The following PLPP1 variants were observed in gnomAD, a reference collection of about 807,000 sequenced individuals.
The protein encoded by PLPP1 is lipid phosphate phosphohydrolase 1a.
PLPP1 carries 24 observed loss-of-function variants against 31.2 expected under a neutral mutation model. That is an observed-to-expected ratio of 0.77 (90% CI 0.56 to 1.08). The LOEUF is 1.08. PLPP1 is among the 50% of genes least tolerant of loss of function. PLPP1 has a pLI of 0.00. For missense variants in PLPP1, 319 were observed against 342.7 expected (o/e 0.93, Z 0.55); for synonymous variants, 146 against 126.3 (o/e 1.16, Z -1.05).
intron 3 of PLPP1, among the ~76,000 whole-genome samples, chr5:55,460,517 C>T (rs1752130626): frequency 6.6e-6 from 1 of 152,034 alleles, no homozygotes; most frequent in South Asian, 2.1e-4. Flanking sequence ...ACAAACAATA[C>T]AAAGATAGTA....
chr5:55,504,831 G>C (rs1208692614), intron 1 of PLPP1, among the ~76,000 whole-genome samples: 2 of 67,028 alleles, frequency 3.0e-5, no homozygotes, highest in African/African-American at 1.2e-4. Context: ...TTTTTTTTTT[G>C]AGAGTGTTTC....
intron 2 of PLPP1, among the ~76,000 whole-genome samples, chr5:55,470,358 C>T (rs1429227542): frequency 6.6e-6 from 1 of 152,234 alleles, no homozygotes; most frequent in Non-Finnish European, 1.5e-5. Context: ...TTCTTAGGCA[C>T]TGAACTATTT....
chr5:55,470,605 C>A (rs1752395341), intron 2 of PLPP1, among the ~76,000 whole-genome samples: 1 of 152,192 alleles, frequency 6.6e-6, no homozygotes, highest in Non-Finnish European at 1.5e-5. Context: ...CAACTCACAT[C>A]GCTGAGAGAA....
At chr5:55,464,351 C>T (rs1752237347) in intron 3 of PLPP1, among the ~76,000 whole-genome samples, 1 of 151,734 alleles carries the variant, frequency 6.6e-6, no homozygotes, top group Non-Finnish European at 1.5e-5. Flanking sequence ...CTCAGTTTCT[C>T]AGCCTCCCAA....
At chr5:55,491,703 C>T (rs551495549) in intron 1 of PLPP1, among the ~76,000 whole-genome samples, 2 of 151,602 alleles carry the variant, frequency 1.3e-5, no homozygotes, top group Admixed American at 1.3e-4. Flanking sequence ...ACTAACAACA[C>T]AAAAATTAGC....
chr5:55,495,132 C>CAA (rs36000140), intron 1 of PLPP1, among the ~76,000 whole-genome samples: 1 of 114,194 alleles, frequency 8.8e-6, no homozygotes. Flanking sequence ...ACTCTGTCTC[C>CAA]AAAAAAAAAA....
intron 1 of PLPP1, among the ~76,000 whole-genome samples, chr5:55,502,788 T>C (rs1753175339): frequency 6.6e-6 from 1 of 152,170 alleles, no homozygotes; most frequent in African/African-American, 2.4e-5. Context: ...TATAAAGTAC[T>C]TGAGTAAACA....
At chr5:55,430,310 C>T (rs954944249) in intron 4 of PLPP1, among the ~76,000 whole-genome samples, 2 of 152,202 alleles carry the variant, frequency 1.3e-5, no homozygotes, top group Non-Finnish European at 2.9e-5. Flanking sequence ...CCTCTAACAT[C>T]AGTGCCAGCA....
intron 4 of PLPP1, among the ~76,000 whole-genome samples, chr5:55,433,689 C>T (rs1004691940): frequency 1.2e-4 from 18 of 146,242 alleles, no homozygotes; most frequent in African/African-American, 3.2e-4. Flanking sequence ...CCAACAGAGA[C>T]GGTTTCACTG....
intron 2 of PLPP1, among the ~76,000 whole-genome samples, chr5:55,468,780 G>A (rs1752359105): frequency 6.6e-6 from 1 of 152,120 alleles, no homozygotes; most frequent in Non-Finnish European, 1.5e-5. Context: ...TCCAGCCTGG[G>A]CAACAAGAGC....
chr5:55,476,160 T>G (rs561420516), intron 1 of PLPP1, among the ~76,000 whole-genome samples: 76 of 151,218 alleles, frequency 5.0e-4, no homozygotes, highest in East Asian at 1.2e-3. Flanking sequence ...TTGGTTTTTT[T>G]GGGGGTTTTT....
intron 3 of PLPP1, among the ~76,000 whole-genome samples, chr5:55,457,296 C>G (rs1383231263): frequency 1.3e-5 from 2 of 152,088 alleles, no homozygotes; most frequent in African/African-American, 4.8e-5. Flanking sequence ...TAAGCGGACA[C>G]TTGCATATGG....
intron 1 of PLPP1, chr5:55,485,059 TATA>T (rs1752748067): frequency 6.6e-6 from 1 of 152,200 alleles, no homozygotes; most frequent in African/African-American, 2.4e-5. Flanking sequence ...TCTGATTCTT[TATA>T]ATAAAACTAT....
intron 2 of PLPP1, among the ~76,000 whole-genome samples, chr5:55,468,759 T>C (rs1752358966): frequency 6.6e-6 from 1 of 152,122 alleles, no homozygotes; most frequent in African/African-American, 2.4e-5. Flanking sequence ...GCCGAGATCA[T>C]GCCATTGTAC....
intron 4 of PLPP1, among the ~76,000 whole-genome samples, chr5:55,438,052 C>A (rs1180348340): frequency 6.6e-6 from 1 of 152,202 alleles, no homozygotes; most frequent in Non-Finnish European, 1.5e-5. Context: ...GGAGGAGAGT[C>A]TGGCTGAAGC....
intron 1 of PLPP1, among the ~76,000 whole-genome samples, chr5:55,532,522 C>G (rs1045211305): frequency 6.6e-6 from 1 of 152,046 alleles, no homozygotes; most frequent in South Asian, 2.1e-4. Context: ...CAAAGTTTAA[C>G]AAAGTTCCAA....
chr5:55,517,445 C>T (rs1030848652), intron 1 of PLPP1, among the ~76,000 whole-genome samples: 3 of 152,170 alleles, frequency 2.0e-5, no homozygotes, highest in African/African-American at 4.8e-5. Flanking sequence ...GACCTGCCCA[C>T]CCCTGCCTCC....
At chr5:55,485,342 T>C (rs973033733) in intron 1 of PLPP1, among the ~76,000 whole-genome samples, 2 of 152,194 alleles carry the variant, frequency 1.3e-5, no homozygotes, top group African/African-American at 4.8e-5. Flanking sequence ...TGGGTATGTG[T>C]AGATCCACTC....
chr5:55,432,899 C>T (rs1751393618), intron 4 of PLPP1, among the ~76,000 whole-genome samples: 1 of 151,788 alleles, frequency 6.6e-6, no homozygotes, highest in Middle Eastern at 3.2e-3. Flanking sequence ...CCATCCTAAA[C>T]AGGGAAAAGC....
Sources: allele counts gnomAD v4.1 joint callset (sites outside exome capture counted in the v4.1 genomes callset), GRCh38; gene constraint gnomAD v4.1.1; transcripts MANE v1.5; gene names NCBI Gene and HGNC (gene_info 2026-07-23, HGNC 2026-07-21).